The following DHX37 variants were observed in gnomAD, a reference collection of about 807,000 sequenced individuals.
The protein encoded by DHX37 is probable ATP-dependent RNA helicase DHX37.
In DHX37, 52 loss-of-function variants were observed where a neutral mutation model predicts 134.3. That is an observed-to-expected ratio of 0.39 (90% CI 0.31 to 0.49). The LOEUF (loss-of-function observed/expected upper bound fraction) is 0.49. Ranked by LOEUF, DHX37 falls within the 20% of genes least tolerant of loss-of-function variation. DHX37 has a pLI of 0.93. For missense variants in DHX37, 1,344 were observed against 1,580.8 expected (o/e 0.85, Z 2.54); for synonymous variants, 634 against 670.7 (o/e 0.95, Z 0.85).
At chr12:124,978,807 C>G (rs1954698697) in intron 4 of DHX37, among the ~76,000 whole-genome samples, 1 of 151,494 alleles carries the variant, frequency 6.6e-6, no homozygotes, top group Non-Finnish European at 1.5e-5. Context: ...TGGCACATAT[C>G]TGTAGTGCCA....
At chr12:124,971,457 G>A (rs1302992594) in intron 7 of DHX37, 42 bp from the exon 8 acceptor site, 3 of 1,600,432 alleles carry the variant, frequency 1.9e-6, no homozygotes, top group Non-Finnish European at 2.6e-6. Context: ...TCCAGCCTAA[G>A]CCCCAAGGGC....
At chr12:124,966,564 A>G (rs761867157) in intron 12 of DHX37, among the ~76,000 whole-genome samples, 2 of 152,148 alleles carry the variant, frequency 1.3e-5, no homozygotes, top group Admixed American at 6.5e-5. Flanking sequence ...TGGTCTCACC[A>G]TGTTGCCCAA....
At chr12:124,973,032 C>T (rs1362772292) in intron 6 of DHX37, among the ~76,000 whole-genome samples, 2 of 152,226 alleles carry the variant, frequency 1.3e-5, no homozygotes, top group African/African-American at 4.8e-5. Context: ...GTCCCAGCTA[C>T]TCAGGAGGCT....
chr12:124,947,649 C>T lies in DHX37; in HGVS notation c.*153G>A, dbSNP rs541334918. 6 of 1,024,826 alleles carry T rather than the reference C, an allele frequency of 5.9e-6. No homozygotes were observed. The highest frequency in any genetic ancestry group is 3.7e-5 in the South Asian group (2 of 54,530). The allele number at this position is 1,024,826 out of a possible 1,614,324, so 63.5% of individuals were successfully genotyped here. ...GGCGGCAGCACCCTTCATACGGGAT[C>T]GAGCTCTCATGGATGAGGGTTCCCA... is the stretch of plus-strand genomic sequence containing the variant. On this transcript the variant is annotated 3_prime_UTR_variant, in exon 27 of 27. Transcript: ENST00000308736.
At chr12:124,975,323 C>G (rs1006365340) in intron 6 of DHX37, 96 bp downstream of exon 6, 2 of 1,282,050 alleles carry the variant, frequency 1.6e-6, no homozygotes, top group African/African-American at 1.5e-5. Flanking sequence ...CCAGCACCCT[C>G]GGCACAGATG....
intron 13 of DHX37, 136 bp from the exon 14 acceptor site, chr12:124,965,142 G>A (rs1954354284): frequency 1.0e-6 from 1 of 997,368 alleles, no homozygotes; most frequent in Admixed American, 2.6e-5. Context: ...GGCTCCCCTT[G>A]GGACCAGCCA....
In DHX37 at chr12:124,947,840, C is replaced by T. The variant is rs147118113; in HGVS notation, c.3436G>A (p.Asp1146Asn). Residue 1146 changes from aspartate (D) to asparagine (N), a missense_variant, in exon 27 of 27, where the codon GAT becomes AAT. This residue lies in a region of DHX37 where 558 missense variants were observed against 650.0 expected (regional missense o/e 0.86). Coordinates refer to ENST00000308736, the MANE Select transcript of DHX37 (RefSeq NM_032656.4). ...CEWLPQAMHPDIEKAWPPTTV... is the reference protein window; with the variant it reads ...CEWLPQAMHPNIEKAWPPTTV... ...GTGGGGGGCCAGGCTTTCTCGATAT[C>T]GGGGTGCATGGCCTGTGGAAGCCAC... 53 of 1,604,588 alleles carry T rather than the reference C, an allele frequency of 3.3e-5. No homozygotes were observed. The highest frequency in any genetic ancestry group is 1.6e-4 in the African/African-American group (12 of 74,806).
chr12:124,968,473 G>C, intron 10 of DHX37, 61 bp downstream of exon 10: 2 of 1,594,344 alleles, frequency 1.3e-6, no homozygotes, highest in African/African-American at 1.3e-5. Context: ...TCCCACACTC[G>C]TGCTTTCAGC....
At chr12:124,960,694 C>T (rs548897712) in intron 15 of DHX37, among the ~76,000 whole-genome samples, 1 of 152,326 alleles carries the variant, frequency 6.6e-6, no homozygotes, top group Admixed American at 6.5e-5. Context: ...CGGCACACAC[C>T]TGTAATCTCA....
intron 15 of DHX37, among the ~76,000 whole-genome samples, chr12:124,963,585 A>C (rs1954312708): frequency 6.6e-6 from 1 of 152,118 alleles, no homozygotes; most frequent in South Asian, 2.1e-4. Context: ...ATAAAGAAAC[A>C]GTGGCCGGGC....
chr12:124,951,814 A>G (rs897638034), intron 21 of DHX37, among the ~76,000 whole-genome samples: 1 of 152,118 alleles, frequency 6.6e-6, no homozygotes, highest in Admixed American at 6.5e-5. Context: ...TCTACTAAAA[A>G]TACAAAAATT....
chr12:124,962,531 C>T (rs1292285274), intron 15 of DHX37, among the ~76,000 whole-genome samples: 1 of 152,172 alleles, frequency 6.6e-6, no homozygotes, highest in East Asian at 1.9e-4. Context: ...TGGTGGGCAC[C>T]TGTAATCTCA....
intron 20 of DHX37, 187 bp from the exon 21 acceptor site, chr12:124,952,757 T>G (rs960248538): frequency 9.7e-5 from 43 of 443,784 alleles, no homozygotes; most frequent in East Asian, 1.5e-4. Context: ...CGCCCCCCCA[T>G]TCCCTCCTTC....
intron 21 of DHX37, 114 bp from the exon 22 acceptor site, chr12:124,950,918 G>A (rs1299786716): frequency 1.4e-6 from 2 of 1,383,268 alleles, no homozygotes; most frequent in Non-Finnish European, 1.9e-6. Flanking sequence ...AAGTGGGAGA[G>A]TGCTCCATCT....
chr12:124,963,190 A>G (rs1594486344), intron 15 of DHX37, among the ~76,000 whole-genome samples: 1 of 152,316 alleles, frequency 6.6e-6, no homozygotes, highest in African/African-American at 2.4e-5. Context: ...GGGTGCTGAC[A>G]CCTGCCACCC....
rs1253657064 is a variant in DHX37, at chr12:124,964,840, A to G, written c.1812+90T>C. 6.2e-6 allele frequency: 9 copies of G among 1,460,800 alleles called. No homozygotes were observed. In the Admixed American group the frequency reaches 7.0e-5, roughly 11 times the overall value. 90.5% of individuals were successfully genotyped at this position (1,460,800 alleles called of 1,614,324 possible). ...ACTCTGGGGATGCTGATCAAACAGC[A>G]GATGGAGAGGACCACCAAGGGCTTG... On this transcript the variant is annotated intron_variant, in intron 14 of 26. Coordinates refer to ENST00000308736, the MANE Select transcript of DHX37 (RefSeq NM_032656.4).
Position 124,970,959 on chromosome 12 carries a change from C to T in DHX37, c.1191+343G>A, listed in dbSNP as rs186684137. On this transcript the variant is annotated intron_variant, in intron 8 of 26. Transcript: ENST00000308736. ...GCCCTTGGCTGGGCAGGCCCACCTGCTCTGCTGATCCCAGAGGCCCAGAGG... is the reference window on the plus strand; with the variant it reads ...GCCCTTGGCTGGGCAGGCCCACCTGTTCTGCTGATCCCAGAGGCCCAGAGG... 9.8e-4 allele frequency among the ~76,000 whole-genome samples: 150 copies of T among 152,384 alleles called. 1 individual carries two copies. Among genetic ancestry groups the T allele is most frequent in the South Asian group, 8.3e-3 (40 of 4,834 alleles).
chr12:124,975,400 AG>A lies in DHX37; in HGVS notation c.980+18del, dbSNP rs1478080820. ...ACAGGACCACCCCATAGTCCGCCCC[AG>A]GGAAGTAGAGCCCTCACCGCTGGGA... On this transcript the variant is annotated intron_variant, in intron 6 of 26. Coordinates refer to ENST00000308736, the MANE Select transcript of DHX37 (RefSeq NM_032656.4). 6.2e-7 allele frequency: 1 copy of A among 1,611,400 alleles called. No individual in the cohort carries two copies. Among genetic ancestry groups the A allele is most frequent in the Non-Finnish European group, 8.5e-7 (1 of 1,179,032 alleles).
intron 12 of DHX37, 93 bp from the exon 13 acceptor site, chr12:124,965,905 C>T: frequency 2.7e-6 from 4 of 1,508,576 alleles, no homozygotes; most frequent in Non-Finnish European, 3.6e-6. Flanking sequence ...CGCATGGAAG[C>T]CCCGGTCCAC....
Sources: gnomAD v4.1 joint callset for allele counts (sites outside exome capture counted in the v4.1 genomes callset) on GRCh38, gnomAD v4.1.1 for gene constraint, gnomAD v4.1.1 regional missense constraint, MANE v1.5 for transcripts, NCBI Gene and HGNC (gene_info 2026-07-23, HGNC 2026-07-21) for gene names.